The following CCDC91 variants were observed in gnomAD, a reference collection of about 807,000 sequenced individuals.
CCDC91 encodes coiled-coil domain-containing protein 91.
In CCDC91, 48 loss-of-function variants were observed where a neutral mutation model predicts 63.2. The observed-to-expected ratio is 0.76, with a 90% CI of 0.60 to 0.97. The LOEUF is 0.97. Ranked by LOEUF, CCDC91 falls within the 50% of genes least tolerant of loss-of-function variation. The probability of loss-of-function intolerance (pLI) is 0.00; values close to 1 mark genes in which losing one functional copy is unlikely to be tolerated. For missense variants in CCDC91, 500 were observed against 494.6 expected (o/e 1.01, Z -0.10); for synonymous variants, 167 against 165.8 (o/e 1.01, Z -0.06).
chr12:28,364,576 G>A (rs2138645583), intron 7 of CCDC91, among the ~76,000 whole-genome samples: 1 of 152,236 alleles, frequency 6.6e-6, no homozygotes, highest in Admixed American at 6.5e-5. Flanking sequence ...AGGGTGGGAG[G>A]AATTAAAATA....
chr12:28,534,212 A>G (rs1249718756), intron 12 of CCDC91, among the ~76,000 whole-genome samples: 2 of 152,206 alleles, frequency 1.3e-5, no homozygotes, highest in Admixed American at 6.6e-5. Flanking sequence ...TCTGTAAACT[A>G]AGAATAATGA....
chr12:28,540,495 C>A (rs1020744998), intron 12 of CCDC91, among the ~76,000 whole-genome samples: 3 of 152,118 alleles, frequency 2.0e-5, no homozygotes, highest in African/African-American at 7.2e-5. Context: ...GTGCCAAGGC[C>A]TCTAGCCATA....
intron 7 of CCDC91, among the ~76,000 whole-genome samples, chr12:28,378,060 TTTAAC>T (rs1378620020): frequency 6.6e-6 from 1 of 152,058 alleles, no homozygotes; most frequent in Non-Finnish European, 1.5e-5. Flanking sequence ...ACAATGAAGT[TTTAAC>T]TTATTAGGCA....
intron 6 of CCDC91, among the ~76,000 whole-genome samples, chr12:28,342,240 A>T (rs1469466695): frequency 6.6e-6 from 1 of 152,208 alleles, no homozygotes; most frequent in Non-Finnish European, 1.5e-5. Context: ...GAGCCTCCAG[A>T]TAGAAAGGCA....
intron 1 of CCDC91, among the ~76,000 whole-genome samples, chr12:28,193,617 AAAG>A (rs1418138211): frequency 3.9e-5 from 6 of 152,044 alleles, no homozygotes; most frequent in Admixed American, 3.3e-4. Context: ...AAAAAAAAAA[AAAG>A]AAGGAAATTA....
At chr12:28,353,413 T>C (rs1345793353) in intron 6 of CCDC91, among the ~76,000 whole-genome samples, 1 of 152,258 alleles carries the variant, frequency 6.6e-6, no homozygotes, top group Non-Finnish European at 1.5e-5. Flanking sequence ...CCATCTTGGC[T>C]GTTGACCTGA....
chr12:28,503,606 A>G (rs1938273338), intron 12 of CCDC91, among the ~76,000 whole-genome samples: 1 of 152,192 alleles, frequency 6.6e-6, no homozygotes, highest in South Asian at 2.1e-4. Context: ...AAGGACTACA[A>G]ATCATACTGC....
chr12:28,363,033 A>G (rs1190431855), intron 7 of CCDC91, among the ~76,000 whole-genome samples: 1 of 152,202 alleles, frequency 6.6e-6, no homozygotes, highest in African/African-American at 2.4e-5. Context: ...TGAAATATTT[A>G]AAGCACATTG....
intron 12 of CCDC91, among the ~76,000 whole-genome samples, chr12:28,516,037 A>T (rs993104091): frequency 3.9e-5 from 6 of 152,114 alleles, no homozygotes; most frequent in Admixed American, 3.9e-4. Context: ...GCATTTTAAG[A>T]AGAGAATAGT....
At chr12:28,427,427 G>A (rs906725771) in intron 8 of CCDC91, among the ~76,000 whole-genome samples, 3 of 151,572 alleles carry the variant, frequency 2.0e-5, no homozygotes, top group African/African-American at 7.3e-5. Context: ...ATTACAGGGA[G>A]ATACTGATGG....
intron 12 of CCDC91, among the ~76,000 whole-genome samples, chr12:28,488,819 T>G (rs542346563): frequency 1.3e-5 from 2 of 152,104 alleles, no homozygotes; most frequent in Admixed American, 1.3e-4. Context: ...GTGATTTGCA[T>G]TGAAAGACCA....
At chr12:28,418,628 TGGCAG>T (rs1947820648) in intron 8 of CCDC91, among the ~76,000 whole-genome samples, 1 of 151,974 alleles carries the variant, frequency 6.6e-6, no homozygotes, top group Non-Finnish European at 1.5e-5. Context: ...ATTATGTTAA[TGGCAG>T]ATTAATACTG....
At chr12:28,519,104 A>G (rs1193827840) in intron 12 of CCDC91, among the ~76,000 whole-genome samples, 3 of 151,936 alleles carry the variant, frequency 2.0e-5, no homozygotes, top group African/African-American at 7.2e-5. Context: ...GTATTTTGAT[A>G]GGAATTGCAT....
intron 8 of CCDC91, among the ~76,000 whole-genome samples, chr12:28,439,899 C>CT (rs1949097428): frequency 1.3e-5 from 2 of 151,022 alleles, no homozygotes; most frequent in South Asian, 4.2e-4. Flanking sequence ...AAGATTATCT[C>CT]TGACACCTTT....
In CCDC91 at chr12:28,513,793, G is replaced by A. The variant is rs1056268415; in HGVS notation, c.1215+29628G>A. Among the ~76,000 whole-genome samples, 5 of 151,830 alleles carry A rather than the reference G, an allele frequency of 3.3e-5. No homozygotes were observed. The East Asian group carries it at 5.9e-4, about 18-fold the overall frequency. On this transcript the variant is annotated intron_variant, in intron 12 of 12. Transcript: ENST00000536442. Reference sequence around the variant, plus strand: ...TCATGTTCCTCCAAAGAGCATGATCGTGTTCTTCTTATGTCTACATAGTAT... The same window carrying A: ...TCATGTTCCTCCAAAGAGCATGATCATGTTCTTCTTATGTCTACATAGTAT...
rs746726618 is a variant in CCDC91 at position 28,458,557 on chromosome 12, C to G, written c.1101+5903C>G. The stretch of plus-strand genomic sequence containing the variant: ...CTATCTTAGCTCACTGCAACCTCCC[C>G]CTCCTGGTTTCAAGCAATTCTTCTG... On this transcript the variant is annotated intron_variant, in intron 11 of 12. Transcript: ENST00000536442. Among the ~76,000 whole-genome samples the G allele has an allele frequency of 1.5e-4, 22 of 149,076 alleles. No homozygotes were observed. In the Admixed American group the frequency reaches 1.5e-3, roughly 10 times the overall value.
intron 6 of CCDC91, among the ~76,000 whole-genome samples, chr12:28,311,063 T>C (rs1426338365): frequency 6.6e-6 from 1 of 152,044 alleles, no homozygotes; most frequent in African/African-American, 2.4e-5. Flanking sequence ...CCTCATCTGA[T>C]ACTGTATAGT....
At chr12:28,490,480 A>G (rs1367188947) in intron 12 of CCDC91, among the ~76,000 whole-genome samples, 4 of 151,814 alleles carry the variant, frequency 2.6e-5, no homozygotes, top group African/African-American at 9.7e-5. Context: ...AATTATATCC[A>G]TTTCAGGTGG....
intron 3 of CCDC91, among the ~76,000 whole-genome samples, chr12:28,300,455 A>G (rs1432381535): frequency 6.6e-6 from 1 of 151,470 alleles, no homozygotes; most frequent in Non-Finnish European, 1.5e-5. Context: ...ATAATATACC[A>G]TCTTATTTAT....
Sources: gnomAD v4.1 joint callset for allele counts (sites outside exome capture counted in the v4.1 genomes callset) on GRCh38, gnomAD v4.1.1 for gene constraint, MANE v1.5 for transcripts, NCBI Gene and HGNC (gene_info 2026-07-23, HGNC 2026-07-21) for gene names.